Variants in ST3GAL1 observed in about 807,000 individuals in gnomAD.
ST3GAL1 encodes CMP-N-acetylneuraminate-beta-galactosamide-alpha-2,3-sialyltransferase 1.
Under a neutral mutation model 34.1 loss-of-function variants are expected in ST3GAL1, and 16 were observed. That is an observed-to-expected ratio of 0.47 (90% CI 0.32 to 0.71). The LOEUF is 0.71. Among genes scored for constraint, ST3GAL1 ranks in the 30% least tolerant of loss-of-function variants. The pLI is 0.04. For missense variants in ST3GAL1, 353 were observed against 447.4 expected, an observed-to-expected ratio of 0.79 and a Z score of 1.90; for synonymous variants, 191 against 184.7, an observed-to-expected ratio of 1.03 and a Z score of -0.28.
chr8:133,494,010 G>T (rs1157984725), intron 3 of ST3GAL1, among the ~76,000 whole-genome samples: 4 of 152,180 alleles, frequency 2.6e-5, no homozygotes, highest in African/African-American at 9.7e-5. Flanking sequence ...AAGCATGTCT[G>T]AGTGTGTGTG....
rs1819555446 is a variant in ST3GAL1, at chr8:133,571,132, A to C, written c.-582+561T>G. Among the ~76,000 whole-genome samples, 1 of 152,128 alleles carries C rather than the reference A, an allele frequency of 6.6e-6. No individual in the cohort carries two copies. The highest frequency in any genetic ancestry group is 1.9e-4 in the East Asian group (1 of 5,158). On this transcript the variant is annotated intron_variant, in intron 1 of 9. Coordinates refer to ENST00000522652, the MANE Select transcript of ST3GAL1 (RefSeq NM_173344.3). The surrounding 1 kb of genome is among the most constrained non-coding windows in gnomAD (Gnocchi z 6.7). The stretch of plus-strand genomic sequence containing the variant: ...CCGGATCTGCGCCTGCTTGCAGCGG[A>C]TTGGGGGACTCGATCCGGATACTGT...
intron 5 of ST3GAL1, among the ~76,000 whole-genome samples, chr8:133,472,476 A>G (rs978105695): frequency 1.3e-5 from 2 of 152,228 alleles, no homozygotes; most frequent in African/African-American, 4.8e-5. Context: ...AAGCCAAACC[A>G]TATCATGACC....
rs1410364315 is a variant in ST3GAL1, at chr8:133,467,360, C to T, written c.307-1270G>A. On this transcript the variant is annotated intron_variant, in intron 5 of 9. Transcript: ENST00000522652. The surrounding 1 kb of genome is among the most constrained non-coding windows in gnomAD (Gnocchi z 4.2). ...TATGTAGTGATGCCTGTTGGTGCCTCAGCCTTCCTCACTCGTGGTAAACCC... is the reference window on the plus strand; with the variant it reads ...TATGTAGTGATGCCTGTTGGTGCCTTAGCCTTCCTCACTCGTGGTAAACCC... Among the ~76,000 whole-genome samples the T allele has an allele frequency of 6.6e-6, 1 of 152,216 alleles. No homozygotes were observed. The highest frequency in any genetic ancestry group is 1.5e-5 in the Non-Finnish European group (1 of 68,034).
At chr8:133,523,338 T>C (rs1473322873) in intron 2 of ST3GAL1, among the ~76,000 whole-genome samples, 1 of 144,798 alleles carries the variant, frequency 6.9e-6, no homozygotes, top group Non-Finnish European at 1.5e-5. Flanking sequence ...GGTGTGCAGC[T>C]GTTGCTTTCT....
rs192476868 is a variant in ST3GAL1 at position 133,464,656 on chromosome 8, C to T, written c.683+122G>A. On this transcript the variant is annotated intron_variant, in intron 7 of 9. Transcript: ENST00000522652. ...CCACGGGAACTGGGCTTGTGTGTGC[C>T]GGAGGAGGCTGGGGGAGGGGAGGCA... is the stretch of plus-strand genomic sequence containing the variant. 747 of 1,077,846 alleles carry T rather than the reference C, an allele frequency of 6.9e-4. 5 individuals carry two copies. The African/African-American group carries it at 8.8e-3, about 13-fold the overall frequency. 66.8% of individuals were successfully genotyped at this position (1,077,846 alleles called of 1,614,324 possible).
In ST3GAL1 at chr8:133,456,849, C is replaced by T. The variant is rs755777197; in HGVS notation, c.*2915G>A. ...TTTTTCCAGATGCTGAATGGAGACTCGCTGGGAAAGCCCGCCTCCAGACAA... is the reference window on the plus strand; with the variant it reads ...TTTTTCCAGATGCTGAATGGAGACTTGCTGGGAAAGCCCGCCTCCAGACAA... On this transcript the variant is annotated 3_prime_UTR_variant, in exon 10 of 10. Transcript: ENST00000522652. 3.3e-5 allele frequency: 5 copies of T among 152,368 alleles called. No homozygotes were observed. Among genetic ancestry groups the T allele is most frequent in the East Asian group, 1.9e-4 (1 of 5,168 alleles). The allele number at this position is 152,368 out of a possible 1,614,324, so 9.4% of individuals were successfully genotyped here. A position where few individuals can be genotyped will look rare whatever the true frequency, so the allele number is the denominator to read the frequency against.
chr8:133,565,245 G>C (rs1210091139), intron 1 of ST3GAL1, among the ~76,000 whole-genome samples: 1 of 151,616 alleles, frequency 6.6e-6, no homozygotes, highest in Non-Finnish European at 1.5e-5. Flanking sequence ...GCCCTGGGGG[G>C]CTCCATCAGG....
intron 1 of ST3GAL1, among the ~76,000 whole-genome samples, chr8:133,566,814 A>G (rs1002019711): frequency 5.3e-5 from 8 of 152,318 alleles, no homozygotes; most frequent in African/African-American, 1.7e-4. Flanking sequence ...GGGCATTCCA[A>G]TGCTTGGAGG....
At chr8:133,536,774 C>T (rs888983697) in intron 2 of ST3GAL1, among the ~76,000 whole-genome samples, 1 of 152,188 alleles carries the variant, frequency 6.6e-6, no homozygotes, top group Non-Finnish European at 1.5e-5. Context: ...CATTTGAGTC[C>T]TCACAGAACT....
At chr8:133,474,860 C>T (rs1363524221) in intron 5 of ST3GAL1, among the ~76,000 whole-genome samples, 3 of 152,212 alleles carry the variant, frequency 2.0e-5, no homozygotes, top group Non-Finnish European at 4.4e-5. Flanking sequence ...CTTCAAAGCA[C>T]TTCTGTGTGA....
chr8:133,512,878 A>T (rs1186085364), intron 2 of ST3GAL1, among the ~76,000 whole-genome samples: 1 of 152,222 alleles, frequency 6.6e-6, no homozygotes, highest in African/African-American at 2.4e-5. Context: ...ACATTAAAAG[A>T]AAAGGGTAGA....
At chr8:133,473,475 T>G (rs146354834) in intron 5 of ST3GAL1, among the ~76,000 whole-genome samples, 1 of 152,164 alleles carries the variant, frequency 6.6e-6, no homozygotes, top group East Asian at 1.9e-4. Context: ...AAAAGGCCTT[T>G]GTAAACAGAA....
intron 2 of ST3GAL1, among the ~76,000 whole-genome samples, chr8:133,527,795 C>G (rs778850840): frequency 6.6e-6 from 1 of 152,110 alleles, no homozygotes; most frequent in Non-Finnish European, 1.5e-5. Context: ...TACCCCAGCT[C>G]GCATCATAAC....
At chr8:133,561,108 CTTTTTTTTTT>C (rs765993286) in intron 1 of ST3GAL1, among the ~76,000 whole-genome samples, 2 of 106,226 alleles carry the variant, frequency 1.9e-5, no homozygotes, top group Non-Finnish European at 3.8e-5. Flanking sequence ...CCAGAGCCAT[CTTTTTTTTTT>C]TTTTTTTTTT....
At chr8:133,516,260 C>A (rs1431287112) in intron 2 of ST3GAL1, 1 of 152,108 alleles carries the variant, frequency 6.6e-6, no homozygotes, top group East Asian at 1.9e-4. Flanking sequence ...CTCTCTTGTT[C>A]CCTCTCCCTC....
In ST3GAL1 at chr8:133,556,891, C is replaced by A. The variant is rs894622005; in HGVS notation, c.-581-10965G>T. Among the ~76,000 whole-genome samples the A allele has an allele frequency of 6.6e-6, 1 of 152,070 alleles. No homozygotes were observed. Among genetic ancestry groups the A allele is most frequent in the Non-Finnish European group, 1.5e-5 (1 of 68,002 alleles). On this transcript the variant is annotated intron_variant, in intron 1 of 9. Transcript: ENST00000522652. This position sits in a 1 kb window ranked among gnomAD's most constrained non-coding sequence, Gnocchi z 8.9. The stretch of plus-strand genomic sequence containing the variant: ...AGGGAAGTGGGAGGGAGGTTGGCAG[C>A]GGTGCTATTAATGCAGGCAGGGAGA...
Position 133,571,333 on chromosome 8 carries a change from G to C in ST3GAL1, c.-582+360C>G, listed in dbSNP as rs1444876853. Among the ~76,000 whole-genome samples the C allele has an allele frequency of 6.6e-6, 1 of 152,166 alleles. No individual in the cohort carries two copies. The highest frequency in any genetic ancestry group is 2.4e-5 in the African/African-American group (1 of 41,450). ...GCAATGTCACTGGGGCTGCTTTCGG[G>C]AACCGCTGCCCGGGACTTGGCGTAG... On this transcript the variant is annotated intron_variant, in intron 1 of 9. Coordinates refer to ENST00000522652, the MANE Select transcript of ST3GAL1 (RefSeq NM_173344.3). This position sits in a 1 kb window ranked among gnomAD's most constrained non-coding sequence, Gnocchi z 6.7.
intron 1 of ST3GAL1, among the ~76,000 whole-genome samples, chr8:133,546,315 T>C (rs1211172760): frequency 6.6e-6 from 1 of 152,074 alleles, no homozygotes; most frequent in Non-Finnish European, 1.5e-5. Flanking sequence ...AAACCCCATC[T>C]GTACTAAAAA....
intron 2 of ST3GAL1, among the ~76,000 whole-genome samples, chr8:133,531,758 T>C (rs1016052639): frequency 1.4e-5 from 2 of 141,996 alleles, no homozygotes; most frequent in African/African-American, 5.4e-5. Context: ...ATGGCACATG[T>C]ATACCTATGG....
Sources: allele counts gnomAD v4.1 joint callset (sites outside exome capture counted in the v4.1 genomes callset), GRCh38; gene constraint gnomAD v4.1.1; non-coding constraint Gnocchi (gnomAD v3.1); transcripts MANE v1.5; gene names NCBI Gene and HGNC (gene_info 2026-07-23, HGNC 2026-07-21).